APP: variants seen among roughly 807,000 people sequenced by gnomAD.
APP encodes the protein amyloid beta precursor protein, also known as amyloid-beta precursor protein.
Under a neutral mutation model 101.4 loss-of-function variants are expected in APP, and 31 were observed. That is an observed-to-expected ratio of 0.31 (90% CI 0.23 to 0.41). The LOEUF is 0.41. Among genes scored for constraint, APP ranks in the 10% least tolerant of loss-of-function variants. The probability of loss-of-function intolerance (pLI) is 1.00; values close to 1 mark genes in which losing one functional copy is unlikely to be tolerated. For synonymous variants in APP, 366 were observed against 364.4 expected, an observed-to-expected ratio of 1.00 and a Z score of -0.05; for missense variants, 839 against 1,003.7, an observed-to-expected ratio of 0.84 and a Z score of 2.22.
At chr21:26,120,884 C>T (rs1003984687) in intron 1 of APP, among the ~76,000 whole-genome samples, 1 of 152,170 alleles carries the variant, frequency 6.6e-6, no homozygotes, top group Non-Finnish European at 1.5e-5. Context: ...AAAGGACATG[C>T]AAATTTCATC....
chr21:25,905,815 CCAT>C (rs1192107561), intron 14 of APP, among the ~76,000 whole-genome samples: 3 of 152,334 alleles, frequency 2.0e-5, no homozygotes, highest in African/African-American at 7.2e-5. Context: ...ATATTCCTCA[CCAT>C]CATCTGACCT....
chr21:25,990,344 G>A (rs916342951), intron 8 of APP, among the ~76,000 whole-genome samples: 2 of 152,106 alleles, frequency 1.3e-5, no homozygotes, highest in Admixed American at 6.5e-5. Context: ...AACGAATGCT[G>A]GCATTATTTT....
At chr21:26,065,785 T>C (rs2046432272) in intron 3 of APP, among the ~76,000 whole-genome samples, 1 of 152,240 alleles carries the variant, frequency 6.6e-6, no homozygotes, top group Non-Finnish European at 1.5e-5. Flanking sequence ...GACTGCACTA[T>C]TAGTCATATC....
At position 26,062,414 on chromosome 21, in the gene APP, G is replaced by A. The variant is rs185801455; in HGVS notation, c.356-9066C>T. On this transcript the variant is annotated intron_variant, in intron 3 of 17. Transcript: ENST00000346798. ...ATGGTGGCTCACACCTATAATCCCA[G>A]CAATTTGGGAGGCCGAGGCAAGTGG... Among the ~76,000 whole-genome samples, 395 of 152,076 alleles carry A rather than the reference G, an allele frequency of 2.6e-3. 4 individuals are homozygous for A. The highest frequency in any genetic ancestry group is 4.6e-3 in the Non-Finnish European group (312 of 67,992).
intron 13 of APP, chr21:25,928,809 A>T (rs932166116): frequency 1.0e-4 from 14 of 139,362 alleles, no homozygotes; most frequent in African/African-American, 4.5e-4. Context: ...GTTGGACTGC[A>T]GAGGCGTAAT....
At chr21:26,095,260 T>C (rs926324482) in intron 2 of APP, among the ~76,000 whole-genome samples, 3 of 152,236 alleles carry the variant, frequency 2.0e-5, no homozygotes, top group African/African-American at 4.8e-5. Flanking sequence ...ATTACAGGCA[T>C]GAGCCACCAT....
chr21:26,140,204 G>C (rs1368046443), intron 1 of APP: 2 of 1,536,102 alleles, frequency 1.3e-6, no homozygotes, highest in South Asian at 1.2e-5. Flanking sequence ...TTTGAATCTG[G>C]GGAAGAGCTG....
At chr21:26,090,363 C>T (rs550149272) in intron 2 of APP, among the ~76,000 whole-genome samples, 4 of 152,102 alleles carry the variant, frequency 2.6e-5, no homozygotes, top group South Asian at 2.1e-4. Context: ...TTGAGCATTT[C>T]GGACTCTGGA....
chr21:25,926,290 C>A (rs116790185), intron 13 of APP, among the ~76,000 whole-genome samples: 1 of 152,170 alleles, frequency 6.6e-6, no homozygotes, highest in Admixed American at 6.5e-5. Flanking sequence ...AGCAGACGGG[C>A]CTTCACTAGT....
At chr21:25,996,777 G>A (rs2043072593) in intron 8 of APP, among the ~76,000 whole-genome samples, 1 of 152,156 alleles carries the variant, frequency 6.6e-6, no homozygotes, top group African/African-American at 2.4e-5. Flanking sequence ...TTACCGAACT[G>A]GATAATAACT....
rs545759129 is a variant in APP, at chr21:26,159,738, G to T, written c.57+10826C>A. Among the ~76,000 whole-genome samples the T allele has an allele frequency of 2.0e-5, 3 of 151,894 alleles. No individual in the cohort carries two copies. In the South Asian group the frequency reaches 6.2e-4, roughly 32 times the overall value. The stretch of plus-strand genomic sequence containing the variant: ...CTAATATTTTTTTCTCATCTCATCG[G>T]CTATTTATTAAATCAATAAATACAA... On this transcript the variant is annotated intron_variant, in intron 1 of 17. Coordinates refer to ENST00000346798, the MANE Select transcript of APP (RefSeq NM_000484.4).
At chr21:26,053,933 T>A (rs1223660484) in intron 3 of APP, among the ~76,000 whole-genome samples, 1 of 152,226 alleles carries the variant, frequency 6.6e-6, no homozygotes, top group African/African-American at 2.4e-5. Flanking sequence ...AGAAAATGTA[T>A]ATTATGCAAA....
At chr21:25,931,134 A>C (rs2040127865) in intron 13 of APP, among the ~76,000 whole-genome samples, 1 of 152,248 alleles carries the variant, frequency 6.6e-6, no homozygotes, top group Admixed American at 6.5e-5. Flanking sequence ...ATGGTTCAGA[A>C]GAAAAGATGG....
At chr21:26,048,335 C>T (rs980400951) in intron 5 of APP, among the ~76,000 whole-genome samples, 2 of 151,486 alleles carry the variant, frequency 1.3e-5, no homozygotes, top group African/African-American at 2.4e-5. Context: ...AAAAAGAAAA[C>T]GAAAAAGTAT....
intron 1 of APP, among the ~76,000 whole-genome samples, chr21:26,137,352 T>C (rs1464968174): frequency 6.6e-6 from 1 of 152,214 alleles, no homozygotes; most frequent in African/African-American, 2.4e-5. Context: ...AAACGGGGGT[T>C]CTATCCCATC....
chr21:25,912,554 A>G (rs1252413992), intron 13 of APP, among the ~76,000 whole-genome samples: 1 of 152,132 alleles, frequency 6.6e-6, no homozygotes, highest in East Asian at 1.9e-4. Flanking sequence ...CTATGCTCTG[A>G]GGCAACAAGG....
chr21:25,885,348 C>G (rs373521), intron 17 of APP, among the ~76,000 whole-genome samples: 3 of 152,088 alleles, frequency 2.0e-5, no homozygotes, highest in Non-Finnish European at 2.9e-5. Flanking sequence ...CTACCACGAC[C>G]CTGTGCAGAC....
chr21:26,134,436 AAG>A (rs2062854413), intron 1 of APP, among the ~76,000 whole-genome samples: 1 of 152,232 alleles, frequency 6.6e-6, no homozygotes, highest in African/African-American at 2.4e-5. Flanking sequence ...TCAGAGAACT[AAG>A]AGAAATACTT....
At chr21:25,957,818 C>A (rs755688525) in intron 11 of APP, among the ~76,000 whole-genome samples, 56 of 151,958 alleles carry the variant, frequency 3.7e-4, no homozygotes, top group Non-Finnish European at 6.8e-4. Context: ...CCTGTCTCTA[C>A]AAGAAAATTT....
Sources: allele counts gnomAD v4.1 joint callset (sites outside exome capture counted in the v4.1 genomes callset), GRCh38; gene constraint gnomAD v4.1.1; transcripts MANE v1.5; gene names NCBI Gene and HGNC (gene_info 2026-07-23, HGNC 2026-07-21).